Variants in PCDH9 observed in about 807,000 individuals in gnomAD.
PCDH9 encodes the protein protocadherin 9.
In PCDH9, 24 loss-of-function variants were observed where a neutral mutation model predicts 70.6. That is an observed-to-expected ratio of 0.34 (90% confidence interval 0.25 to 0.48). PCDH9 has a LOEUF of 0.48. PCDH9 is among the 20% of genes least tolerant of loss of function. The pLI is 0.99. For missense variants in PCDH9, 1,281 were observed against 1,503.6 expected, an observed-to-expected ratio of 0.85 and a Z score of 2.45; for synonymous variants, 562 against 558.5, an observed-to-expected ratio of 1.01 and a Z score of -0.09.
At chr13:66,447,293 A>G (rs1958111845) in intron 4 of PCDH9, among the ~76,000 whole-genome samples, 1 of 152,066 alleles carries the variant, frequency 6.6e-6, no homozygotes, top group Non-Finnish European at 1.5e-5. Context: ...GAACATGTGT[A>G]TTAAGAGTTA....
intron 2 of PCDH9, among the ~76,000 whole-genome samples, chr13:66,979,788 C>A (rs1469757879): frequency 6.6e-6 from 1 of 152,118 alleles, no homozygotes; most frequent in Non-Finnish European, 1.5e-5. Context: ...TTTCTGTGCT[C>A]ATTTTATAAG....
chr13:67,219,481 AC>A (rs1272342640), intron 2 of PCDH9: 2 of 152,164 alleles, frequency 1.3e-5, no homozygotes, highest in East Asian at 3.9e-4. Flanking sequence ...ATTTGTCTTT[AC>A]TTCTGTAGTA....
intron 4 of PCDH9, among the ~76,000 whole-genome samples, chr13:66,328,596 C>T (rs1955886564): frequency 6.6e-6 from 1 of 152,170 alleles, no homozygotes; most frequent in African/African-American, 2.4e-5. Flanking sequence ...TGAGAGTTGA[C>T]GTCCGTATGT....
chr13:67,192,627 G>A (rs1327206395), intron 2 of PCDH9, among the ~76,000 whole-genome samples: 3 of 152,214 alleles, frequency 2.0e-5, no homozygotes, highest in Admixed American at 2.0e-4. Context: ...AAAGGATCTG[G>A]GTTATCTCAT....
intron 4 of PCDH9, among the ~76,000 whole-genome samples, chr13:66,563,380 G>A (rs1203622516): frequency 6.6e-6 from 1 of 152,014 alleles, no homozygotes; most frequent in Non-Finnish European, 1.5e-5. Context: ...ATTCACTTAG[G>A]CTCTTATCAC....
At chr13:66,499,065 G>A (rs1361911338) in intron 4 of PCDH9, among the ~76,000 whole-genome samples, 2 of 151,978 alleles carry the variant, frequency 1.3e-5, no homozygotes, top group East Asian at 3.9e-4. Flanking sequence ...AGACCTGAAT[G>A]CCTAAAAGCA....
At chr13:66,826,967 G>A (rs981072710) in intron 3 of PCDH9, among the ~76,000 whole-genome samples, 1 of 152,138 alleles carries the variant, frequency 6.6e-6, no homozygotes, top group African/African-American at 2.4e-5. Flanking sequence ...ATGACAAAAG[G>A]GACTTTGTAG....
chr13:66,452,930 C>A (rs1339583370), intron 4 of PCDH9, among the ~76,000 whole-genome samples: 2 of 152,066 alleles, frequency 1.3e-5, no homozygotes, highest in Non-Finnish European at 2.9e-5. Context: ...ATATGCTCAT[C>A]CATCTATCCA....
At chr13:66,719,971 T>A (rs1306516353) in intron 3 of PCDH9, among the ~76,000 whole-genome samples, 1 of 152,172 alleles carries the variant, frequency 6.6e-6, no homozygotes, top group Non-Finnish European at 1.5e-5. Context: ...GAAGTATCTG[T>A]GGACTTTATG....
At chr13:66,877,454 A>C (rs1174181592) in intron 3 of PCDH9, among the ~76,000 whole-genome samples, 1 of 151,940 alleles carries the variant, frequency 6.6e-6, no homozygotes, top group East Asian at 1.9e-4. Context: ...TTTAAATTCA[A>C]GGAGAATCCT....
At chr13:66,885,317 G>A (rs566329086) in intron 3 of PCDH9, among the ~76,000 whole-genome samples, 1 of 152,230 alleles carries the variant, frequency 6.6e-6, no homozygotes, top group South Asian at 2.1e-4. Flanking sequence ...TCTGTCTCAA[G>A]CTCTAGAAAA....
At chr13:66,963,400 C>T (rs775861480) in intron 2 of PCDH9, among the ~76,000 whole-genome samples, 26 of 152,182 alleles carry the variant, frequency 1.7e-4, no homozygotes, top group Non-Finnish European at 5.9e-5. Context: ...CACCTTGGCT[C>T]TTAAGTACAA....
chr13:66,956,001 C>T (rs891607710), intron 2 of PCDH9, among the ~76,000 whole-genome samples: 4 of 152,096 alleles, frequency 2.6e-5, no homozygotes, highest in Admixed American at 2.0e-4. Flanking sequence ...ATTCAGAAGG[C>T]TGAGGCAGGA....
intron 2 of PCDH9, among the ~76,000 whole-genome samples, chr13:66,990,587 T>C (rs2083982270): frequency 6.7e-6 from 1 of 149,418 alleles, no homozygotes; most frequent in Non-Finnish European, 1.5e-5. Context: ...TATATACACA[T>C]ATATAAAACA....
intron 3 of PCDH9, among the ~76,000 whole-genome samples, chr13:66,868,445 T>C (rs944322041): frequency 5.3e-5 from 8 of 152,040 alleles, no homozygotes; most frequent in Admixed American, 1.3e-4. Context: ...TTCTCATAGA[T>C]ACATTTACAC....
At chr13:67,215,624 A>G (rs1430942290) in intron 2 of PCDH9, 1 of 152,156 alleles carries the variant, frequency 6.6e-6, no homozygotes, top group East Asian at 1.9e-4. Context: ...ATGGGCAGAC[A>G]TAATGATATG....
rs754719709 is a variant in PCDH9 at position 67,227,167 on chromosome 13, G to C, written c.1274C>G (p.Ser425Cys). Residue 425 changes from serine (S) to cysteine (C), a missense_variant, in exon 2 of 5, where the codon TCT becomes TGT. By Grantham distance (112) the Ser-to-Cys change is moderately radical. This residue lies in a region of PCDH9 where 798 missense variants were observed against 1,003.1 expected (regional missense o/e 0.80). Transcript: ENST00000377865. This position sits in a 1 kb window ranked among gnomAD's most constrained non-coding sequence, Gnocchi z 4.6. ...TTTGGTGCCCTCATAGTCCAACAAAGAAGAGGTCTCTAACAAATATTGGTT... is the reference window on the plus strand; with the variant it reads ...TTTGGTGCCCTCATAGTCCAACAAACAAGAGGTCTCTAACAAATATTGGTT... ...YDNQYLLETS[S>C]LLDYEGTKEF... is the part of the protein sequence containing the mutation. The C allele has an allele frequency of 1.9e-6, 3 of 1,613,336 alleles. No homozygotes were observed. The highest frequency in any genetic ancestry group is 4.5e-5 in the East Asian group (2 of 44,884).
intron 3 of PCDH9, among the ~76,000 whole-genome samples, chr13:66,711,542 A>G (rs2139130565): frequency 6.6e-6 from 1 of 152,266 alleles, no homozygotes; most frequent in Admixed American, 6.5e-5. Flanking sequence ...ATAAAGAAAA[A>G]AATCAGTCGT....
At chr13:66,388,581 T>C (rs1240219462) in intron 4 of PCDH9, among the ~76,000 whole-genome samples, 1 of 152,272 alleles carries the variant, frequency 6.6e-6, no homozygotes, top group South Asian at 2.1e-4. Flanking sequence ...ATTTGTTTTG[T>C]TCAAGAATTG....
Sources: gnomAD v4.1 joint callset for allele counts (sites outside exome capture counted in the v4.1 genomes callset) on GRCh38, gnomAD v4.1.1 for gene constraint, gnomAD v4.1.1 regional missense constraint, Gnocchi (gnomAD v3.1) non-coding constraint, MANE v1.5 for transcripts, NCBI Gene and HGNC (gene_info 2026-07-23, HGNC 2026-07-21) for gene names.